Variants in MYH1 observed in about 807,000 individuals in gnomAD.
MYH1 encodes the protein myosin heavy chain 1, also known as myosin-1.
A neutral mutation model predicts 225.6 loss-of-function variants in MYH1; 214 were observed. The observed-to-expected ratio is 0.95, with a 90% CI of 0.85 to 1.06. The LOEUF (loss-of-function observed/expected upper bound fraction) is 1.06. Among genes scored for constraint, MYH1 ranks in the 50% least tolerant of loss-of-function variants. The pLI, the probability that MYH1 is intolerant of heterozygous loss-of-function variation, is 0.00. For missense variants in MYH1, 2,098 were observed against 2,344.2 expected (o/e 0.89, Z 2.17); for synonymous variants, 774 against 842.3 (o/e 0.92, Z 1.40).
chr17:10,505,090 A>G lies in MYH1; in HGVS notation c.2436-25T>C, dbSNP rs747149405. On this transcript the variant is annotated intron_variant, in intron 21 of 39. Coordinates refer to ENST00000226207, the MANE Select transcript of MYH1 (RefSeq NM_005963.4). ...TCTGTCATAGGAACAGAAATGTCCA[A>G]ATCAGATTATAATAAGAAGCAGAAT... 1.4e-5 allele frequency: 23 copies of G among 1,613,378 alleles called. No homozygotes were observed. The South Asian group carries it at 2.4e-4, about 17-fold the overall frequency.
chr17:10,495,213 CT>C lies in MYH1; in HGVS notation c.5273del (p.Lys1758ArgfsTer11). 6.2e-7 allele frequency: 1 copy of C among 1,614,232 alleles called. No individual in the cohort carries two copies. Among genetic ancestry groups the C allele is most frequent in the Non-Finnish European group, 8.5e-7 (1 of 1,180,050 alleles). On this transcript the variant is annotated frameshift_variant, in exon 36 of 40. Coordinates refer to ENST00000226207, the MANE Select transcript of MYH1 (RefSeq NM_005963.4). LOFTEE classifies it high-confidence loss of function. The stretch of plus-strand genomic sequence containing the variant: ...TCACATCAGTGATGGCCTTCTTGGC[CT>C]TCTCTTCTGCATTGCGGGCTTCCTG... ...IIQEARNAEE[K>X]AKKAITDAAM...
rs2073141353 is a variant in MYH1, at chr17:10,508,654, T to C, written c.1606A>G (p.Ile536Val). 6.2e-7 allele frequency: 1 copy of C among 1,614,022 alleles called. No homozygotes were observed. The highest frequency in any genetic ancestry group is 1.3e-5 in the African/African-American group (1 of 74,932). The change falls in exon 16 of 40, where the codon ATC becomes GTC. Residue 536 changes from isoleucine (I) to valine (V), a missense_variant. Coordinates refer to ENST00000226207, the MANE Select transcript of MYH1 (RefSeq NM_005963.4). Reference protein sequence around the residue: ...LIEKPMGIFSILEEECMFPKA... With the variant: ...LIEKPMGIFSVLEEECMFPKA... ...GGGAACATGCACTCCTCTTCCAGGATGGAGAAGATGCCCATAGGCTGGAAG... is the reference window on the plus strand; with the variant it reads ...GGGAACATGCACTCCTCTTCCAGGACGGAGAAGATGCCCATAGGCTGGAAG...
chr17:10,509,447 C>G (rs950167815), intron 15 of MYH1, 38 bp downstream of exon 15: 22 of 1,613,680 alleles, frequency 1.4e-5, no homozygotes, highest in Non-Finnish European at 1.9e-5. Flanking sequence ...AAATACTGTA[C>G]AGCAGTATGA....
chr17:10,493,307 C>A (rs2072953466), intron 39 of MYH1, among the ~76,000 whole-genome samples: 1 of 152,082 alleles, frequency 6.6e-6, no homozygotes, highest in Admixed American at 6.5e-5. Flanking sequence ...GTGTGTGTGT[C>A]CGTGCACACA....
chr17:10,512,323 T>G, intron 12 of MYH1, 85 bp downstream of exon 12: 2 of 1,608,480 alleles, frequency 1.2e-6, no homozygotes, highest in East Asian at 2.2e-5. Flanking sequence ...CATCAGGAGC[T>G]CAGCTGTAAA....
chr17:10,496,813 T>G (rs1250672876), intron 33 of MYH1, among the ~76,000 whole-genome samples: 4 of 152,242 alleles, frequency 2.6e-5, no homozygotes, highest in Non-Finnish European at 2.9e-5. Context: ...ATTGTTGATT[T>G]TATATGCTTT....
At position 10,508,372 on chromosome 17, in the gene MYH1, C is replaced by T. The variant is rs1188976058; in HGVS notation, c.1888G>A (p.Ala630Thr). Residue 630 changes from alanine to threonine, a missense_variant, in exon 16 of 40, where the codon GCG (alanine) becomes ACG (threonine). By Grantham distance (58) the Ala-to-Thr change is moderately conservative (BLOSUM62 0). Coordinates refer to ENST00000226207, the MANE Select transcript of MYH1 (RefSeq NM_005963.4). ...TTATATTGATAATTACCTGCTTCCG[C>T]TCCCGTTGCCCCAACAAAGAGGAGA... ...LALLFVGATG[A>T]EAEAGGGKKG... The T allele has an allele frequency of 6.3e-7, 1 of 1,598,972 alleles. No homozygotes were observed. The highest frequency in any genetic ancestry group is 2.2e-5 in the East Asian group (1 of 44,700).
chr17:10,494,337 A>C lies in MYH1; in HGVS notation c.5667+17T>G. ...GTCATGTCTGAGAAAAATCACCCCAAGGGGTTGTGAACTCACCGCTTCTTC... is the reference window on the plus strand; with the variant it reads ...GTCATGTCTGAGAAAAATCACCCCACGGGGTTGTGAACTCACCGCTTCTTC... On this transcript the variant is annotated intron_variant, in intron 39 of 39. Transcript: ENST00000226207. 6.2e-7 allele frequency: 1 copy of C among 1,610,048 alleles called. No individual in the cohort carries two copies. Among genetic ancestry groups the C allele is most frequent in the Non-Finnish European group, 8.5e-7 (1 of 1,178,024 alleles).
chr17:10,497,241 T>A (rs774396177), intron 32 of MYH1, 46 bp downstream of exon 32: 3 of 1,592,854 alleles, frequency 1.9e-6, no homozygotes, highest in Non-Finnish European at 2.6e-6. Context: ...TTGGAAAAGA[T>A]TCTTTCAAAT....
chr17:10,492,610 T>C, intron 39 of MYH1, 42 bp from the exon 40 acceptor site: 1 of 1,577,916 alleles, frequency 6.3e-7, no homozygotes, highest in African/African-American at 1.4e-5. Context: ...AAGTTCAGAA[T>C]TTTTCCATTC....
chr17:10,514,932 A>C, intron 5 of MYH1, 37 bp from the exon 6 acceptor site: 1 of 1,599,366 alleles, frequency 6.3e-7, no homozygotes, highest in Admixed American at 1.7e-5. Flanking sequence ...CATATGTATC[A>C]GTTACACAAA....
At chr17:10,513,799 C>G in intron 8 of MYH1, 22 bp downstream of exon 8, 1 of 1,614,150 alleles carries the variant, frequency 6.2e-7, no homozygotes, top group Non-Finnish European at 8.5e-7. Flanking sequence ...AGAGAAGACC[C>G]TTTGGCAACC....
Position 10,512,253 on chromosome 17 carries a change from G to A in MYH1, c.1148-61C>T, listed in dbSNP as rs113594675. Reference sequence around the variant, plus strand: ...ACTCTGGGACCCACAGTTCAAAGGGGCATAGTATTGAGTAAATAACTTTGT... The same window carrying A: ...ACTCTGGGACCCACAGTTCAAAGGGACATAGTATTGAGTAAATAACTTTGT... On this transcript the variant is annotated intron_variant, in intron 12 of 39. Coordinates refer to ENST00000226207, the MANE Select transcript of MYH1 (RefSeq NM_005963.4). 61 of 1,584,612 alleles carry A rather than the reference G, an allele frequency of 3.8e-5. No individual in the cohort carries two copies. In the African/African-American group the frequency reaches 7.1e-4, roughly 19 times the overall value.
intron 31 of MYH1, 34 bp downstream of exon 31, chr17:10,497,700 T>C (rs765836910): frequency 6.2e-7 from 1 of 1,610,878 alleles, no homozygotes; most frequent in Non-Finnish European, 8.5e-7. Flanking sequence ...GTTAATTCTG[T>C]GTTGAAAGTT....
rs552972376 is a variant in MYH1, at chr17:10,514,417, T to C, written c.534-293A>G. ...AGCTACTCAGCACCTCTGTAGTGAA[T>C]GGAACAATTAGTAGGAAACTCTATG... On this transcript the variant is annotated intron_variant, in intron 6 of 39. Transcript: ENST00000226207. 2.0e-5 allele frequency among the ~76,000 whole-genome samples: 3 copies of C among 152,354 alleles called. No homozygotes were observed. In the East Asian group the frequency reaches 5.8e-4, roughly 29 times the overall value.
intron 30 of MYH1, 64 bp from the exon 31 acceptor site, chr17:10,497,981 CAA>C: frequency 6.9e-7 from 1 of 1,450,674 alleles, no homozygotes; most frequent in Non-Finnish European, 9.3e-7. Flanking sequence ...AAAGTGGGTA[CAA>C]GAGAGTGAAT....
In MYH1 at chr17:10,505,003, C is replaced by T; in HGVS notation, c.2498G>A (p.Trp833Ter). ...TTTGATCTTGAAATACAGCTTCATC[C>T]AGGGCCAGTGCTTCACATTCATGAA... ...RAFMNVKHWP[W>*]MKLYFKIKPL... Residue 833 changes from tryptophan to a stop codon, truncating the protein, a stop_gained, in exon 22 of 40, where the codon TGG becomes TAG. Transcript: ENST00000226207. LOFTEE classifies it high-confidence loss of function. The T allele has an allele frequency of 6.2e-7, 1 of 1,614,170 alleles. No individual in the cohort carries two copies. The highest frequency in any genetic ancestry group is 1.1e-5 in the South Asian group (1 of 91,080).
At position 10,504,978 on chromosome 17, in the gene MYH1, T is replaced by G. The variant is rs1309851277; in HGVS notation, c.2523A>C (p.Lys841Asn). The stretch of plus-strand genomic sequence containing the variant: ...CTGTCTCTGCACTTTTGAGGAGGGG[T>G]TTGATCTTGAAATACAGCTTCATCC... ...WPWMKLYFKIKPLLKSAETEK... is the reference protein window; with the variant it reads ...WPWMKLYFKINPLLKSAETEK... The change falls in exon 22 of 40, where the codon AAA becomes AAC. Residue 841 changes from lysine (K) to asparagine (N), a missense_variant. By Grantham distance (94) the Lys-to-Asn change is moderately conservative. Transcript: ENST00000226207. 2 of 1,613,962 alleles carry G rather than the reference T, an allele frequency of 1.2e-6. No homozygotes were observed. Among genetic ancestry groups the G allele is most frequent in the African/African-American group, 1.3e-5 (1 of 74,870 alleles).
Position 10,497,088 on chromosome 17 carries a change from G to C in MYH1, c.4637C>G (p.Ala1546Gly), listed in dbSNP as rs921940295. ...QVEQEKSELQ[A>G]ALEEAEASLE... ...GCTTACCTCTGCCTCCTCTAAGGCA[G>C]CCTGAAGTTCAGACTTTTCTTGCTC... The change falls in exon 33 of 40, where the codon GCT (alanine) becomes GGT (glycine). Residue 1546 changes from alanine (A) to glycine (G), a missense_variant. Coordinates refer to ENST00000226207, the MANE Select transcript of MYH1 (RefSeq NM_005963.4). 6.2e-7 allele frequency: 1 copy of C among 1,613,862 alleles called. No homozygotes were observed. The highest frequency in any genetic ancestry group is 8.5e-7 in the Non-Finnish European group (1 of 1,180,020).
Sources: gnomAD v4.1 joint callset for allele counts (sites outside exome capture counted in the v4.1 genomes callset) on GRCh38, gnomAD v4.1.1 for gene constraint, MANE v1.5 for transcripts, NCBI Gene and HGNC (gene_info 2026-07-23, HGNC 2026-07-21) for gene names.